Variants in EIF2A observed in about 807,000 individuals in gnomAD.
EIF2A encodes eukaryotic translation initiation factor 2A.
In EIF2A, 62 loss-of-function variants were observed where a neutral mutation model predicts 75.2. The observed-to-expected ratio is 0.82, with a 90% CI of 0.67 to 1.02. The LOEUF is 1.02. Among genes scored for constraint, EIF2A ranks in the 50% least tolerant of loss-of-function variants. The pLI is 0.00. For missense variants in EIF2A, 611 were observed against 677.7 expected, an observed-to-expected ratio of 0.90 and a Z score of 1.09; for synonymous variants, 207 against 239.0, an observed-to-expected ratio of 0.87 and a Z score of 1.23.
At chr3:150,561,681 T>G (rs1360960783) in intron 3 of EIF2A, among the ~76,000 whole-genome samples, 2 of 152,246 alleles carry the variant, frequency 1.3e-5, no homozygotes, top group African/African-American at 2.4e-5. Context: ...AGTTTTGTGT[T>G]CACTTAAAGG....
chr3:150,581,870 T>C, intron 12 of EIF2A, 124 bp downstream of exon 12: 1 of 1,155,524 alleles, frequency 8.7e-7, no homozygotes, highest in Non-Finnish European at 1.2e-6. Context: ...CTCATTGTTG[T>C]TTTCTCACTA....
intron 5 of EIF2A, among the ~76,000 whole-genome samples, 190 bp from the exon 6 acceptor site, chr3:150,564,109 G>A (rs978170290): frequency 4.6e-5 from 7 of 152,020 alleles, no homozygotes; most frequent in South Asian, 2.1e-4. Flanking sequence ...GTGAGCCACC[G>A]CACCTGGCCT....
intron 2 of EIF2A, chr3:150,557,521 G>A (rs1032741418): frequency 1.5e-4 from 31 of 205,056 alleles, no homozygotes; most frequent in African/African-American, 5.7e-4. Context: ...CTGTCTCAGC[G>A]TCCTGAGTAG....
At chr3:150,562,290 C>T (rs564133158) in intron 3 of EIF2A, among the ~76,000 whole-genome samples, 49 of 151,720 alleles carry the variant, frequency 3.2e-4, no homozygotes, top group African/African-American at 1.1e-3. Context: ...GGCGTGGTGG[C>T]GGGCACCTGT....
At chr3:150,582,516 G>A (rs574838603) in intron 12 of EIF2A, among the ~76,000 whole-genome samples, 26 of 152,004 alleles carry the variant, frequency 1.7e-4, no homozygotes, top group African/African-American at 4.8e-4. Context: ...GGGTTTCACC[G>A]TGTTAGCCAG....
chr3:150,585,011 T>TA lies in EIF2A; in HGVS notation c.*1110dup, dbSNP rs550982988. 0.051 allele frequency among the ~76,000 whole-genome samples: 7,593 copies of TA among 149,234 alleles called. 241 individuals carry two copies. Among genetic ancestry groups the TA allele is most frequent in the Non-Finnish European group, 0.07 (4,692 of 67,076 alleles). The stretch of plus-strand genomic sequence containing the variant: ...ATTCAAATATACATACACATACACT[T>TA]AAAAAAAAAAGATGGCATATACTAA... On this transcript the variant is annotated 3_prime_UTR_variant, in exon 14 of 14. Coordinates refer to ENST00000460851, the MANE Select transcript of EIF2A (RefSeq NM_032025.5).
chr3:150,576,413 G>A (rs1171191050), intron 11 of EIF2A, among the ~76,000 whole-genome samples: 1 of 151,994 alleles, frequency 6.6e-6, no homozygotes, highest in Non-Finnish European at 1.5e-5. Context: ...CTGAGTAACA[G>A]AGCAAGACCA....
At chr3:150,560,843 A>G (rs1365364426) in intron 3 of EIF2A, among the ~76,000 whole-genome samples, 1 of 151,968 alleles carries the variant, frequency 6.6e-6, no homozygotes, top group Non-Finnish European at 1.5e-5. Context: ...AAATCGTCAA[A>G]TCATTTTATT....
chr3:150,556,707 T>C (rs1421821370), intron 2 of EIF2A, among the ~76,000 whole-genome samples: 1 of 152,228 alleles, frequency 6.6e-6, no homozygotes, highest in African/African-American at 2.4e-5. Context: ...TTTTTGTGTA[T>C]GTTTGAAATT....
intron 1 of EIF2A, among the ~76,000 whole-genome samples, chr3:150,549,126 T>TC (rs1293133019): frequency 6.6e-6 from 1 of 151,938 alleles, no homozygotes; most frequent in Non-Finnish European, 1.5e-5. Flanking sequence ...AAAAGGGATT[T>TC]TTTTTTTTAA....
chr3:150,562,830 C>A, intron 4 of EIF2A, 170 bp downstream of exon 4: 1 of 504,208 alleles, frequency 2.0e-6, no homozygotes, highest in Non-Finnish European at 3.5e-6. Flanking sequence ...TCCAAATAAA[C>A]AATGTATTGA....
At chr3:150,579,040 G>GTTAAA in intron 11 of EIF2A, among the ~76,000 whole-genome samples, 1 of 152,180 alleles carries the variant, frequency 6.6e-6, no homozygotes, top group East Asian at 1.9e-4. Flanking sequence ...CTTGTTCTTG[G>GTTAAA]TTAGTTTGTG....
At position 150,572,373 on chromosome 3, in the gene EIF2A, G is replaced by A; in HGVS notation, c.1227G>A (p.Trp409Ter). Residue 409 changes from tryptophan to a stop codon, truncating the protein, a stop_gained, in exon 10 of 14, where the codon TGG (tryptophan) becomes TGA (stop). Coordinates refer to ENST00000460851, the MANE Select transcript of EIF2A (RefSeq NM_032025.5). LOFTEE classifies it high-confidence loss of function. ...ATGTGCCATCAAATGCAGAATTATG[G>A]CAGGTTTCTTGGCAGCCATTTTTGG... ...KYDVPSNAELWQVSWQPFLDG... is the reference protein window; with the variant it reads ...KYDVPSNAEL The A allele has an allele frequency of 6.2e-7, 1 of 1,613,906 alleles. No homozygotes were observed. Among genetic ancestry groups the A allele is most frequent in the South Asian group, 1.1e-5 (1 of 91,086 alleles).
At chr3:150,558,940 A>G (rs1431502517) in intron 3 of EIF2A, among the ~76,000 whole-genome samples, 1 of 152,192 alleles carries the variant, frequency 6.6e-6, no homozygotes, top group Non-Finnish European at 1.5e-5. Flanking sequence ...TACATAAAAT[A>G]CCAGTTTACA....
At chr3:150,550,713 TTGG>T (rs1723275245) in intron 1 of EIF2A, among the ~76,000 whole-genome samples, 1 of 152,128 alleles carries the variant, frequency 6.6e-6, no homozygotes, top group Non-Finnish European at 1.5e-5. Flanking sequence ...TTAACATGGC[TTGG>T]TGGTGGGTGA....
intron 2 of EIF2A, 24 bp from the exon 3 acceptor site, chr3:150,558,364 A>AT (rs200333608): frequency 0.14 from 196,946 of 1,433,590 alleles, 3,594 homozygotes; most frequent in Non-Finnish European, 0.15. Flanking sequence ...ATTCATTTAA[A>AT]CCTTTTTTTT....
intron 10 of EIF2A, among the ~76,000 whole-genome samples, chr3:150,574,825 A>G (rs1360039127): frequency 6.6e-6 from 1 of 152,238 alleles, no homozygotes; most frequent in Non-Finnish European, 1.5e-5. Context: ...GAGAGCTGGT[A>G]CTTTTGATGT....
Position 150,567,919 on chromosome 3 carries a change from A to G in EIF2A, c.567A>G (p.Pro189=). 6.2e-7 allele frequency: 1 copy of G among 1,608,292 alleles called. No homozygotes were observed. The highest frequency in any genetic ancestry group is 8.5e-7 in the Non-Finnish European group (1 of 1,178,326). The change falls in exon 8 of 14, where the codon CCA becomes CCG. Residue 189 remains proline (P), a synonymous_variant. Coordinates refer to ENST00000460851, the MANE Select transcript of EIF2A (RefSeq NM_032025.5). The part of the protein sequence containing the change: ...PQPYKVAVYV[P]GSKGAPSFVR... ...TATCTTAGGTGGCTGTCTATGTTCC[A>G]GGAAGTAAAGGTGCACCTTCATTTG...
chr3:150,578,904 G>T (rs148667207), intron 11 of EIF2A, among the ~76,000 whole-genome samples: 1 of 152,208 alleles, frequency 6.6e-6, no homozygotes, highest in African/African-American at 2.4e-5. Flanking sequence ...TTGTAAACTG[G>T]TGATAATTTT....
Sources: gnomAD v4.1 joint callset for allele counts (sites outside exome capture counted in the v4.1 genomes callset) on GRCh38, gnomAD v4.1.1 for gene constraint, MANE v1.5 for transcripts, NCBI Gene and HGNC (gene_info 2026-07-23, HGNC 2026-07-21) for gene names.